Variants in EFNA5 observed in about 807,000 individuals in gnomAD.
EFNA5 encodes ephrin-A5.
EFNA5 carries 5 observed loss-of-function variants against 22.9 expected under a neutral mutation model. The observed-to-expected ratio is 0.22, with a 90% CI of 0.11 to 0.46. The LOEUF (loss-of-function observed/expected upper bound fraction) is 0.46. Ranked by LOEUF, EFNA5 falls within the 20% of genes least tolerant of loss-of-function variation. The probability of loss-of-function intolerance (pLI) is 0.99; values close to 1 mark genes in which losing one functional copy is unlikely to be tolerated. For missense variants in EFNA5, 237 were observed against 293.3 expected (o/e 0.81, Z 1.40); for synonymous variants, 113 against 112.2 (o/e 1.01, Z -0.04).
chr5:107,563,845 AC>A (rs1280279890), intron 1 of EFNA5, among the ~76,000 whole-genome samples: 2 of 152,098 alleles, frequency 1.3e-5, no homozygotes, highest in Non-Finnish European at 2.9e-5. Context: ...CTCCAGTCTC[AC>A]CTGACCTTAA....
At position 107,516,159 on chromosome 5, in the gene EFNA5, A is replaced by ATTT. The variant is rs577539637; in HGVS notation, c.126-88651_126-88650insAAA. On this transcript the variant is annotated intron_variant, in intron 1 of 4. Transcript: ENST00000333274. ...AGCTAGGACCAAAAATGGGCACCAC[A>ATTT]ATGCCTGGCTAGTTTTGTGTGTGTG... Among the ~76,000 whole-genome samples, 45 of 133,298 alleles carry ATTT rather than the reference A, an allele frequency of 3.4e-4. No homozygotes were observed. The East Asian group carries it at 9.7e-3, about 29-fold the overall frequency. The allele number at this position is 133,298 out of a possible 152,430, so 87.4% of individuals were successfully genotyped here. A position where few individuals can be genotyped will look rare whatever the true frequency, so the allele number is the denominator to read the frequency against.
At chr5:107,532,157 T>C (rs904409913) in intron 1 of EFNA5, among the ~76,000 whole-genome samples, 8 of 152,098 alleles carry the variant, frequency 5.3e-5, no homozygotes, top group African/African-American at 1.7e-4. Context: ...ACTGGGGAGA[T>C]GGGCAGGAGG....
At chr5:107,624,996 G>C (rs771048560) in intron 1 of EFNA5, among the ~76,000 whole-genome samples, 1 of 152,028 alleles carries the variant, frequency 6.6e-6, no homozygotes, top group Non-Finnish European at 1.5e-5. Context: ...GTAGCTTTCT[G>C]TGTTTTTATC....
At chr5:107,618,791 C>A (rs1216547521) in intron 1 of EFNA5, among the ~76,000 whole-genome samples, 1 of 152,186 alleles carries the variant, frequency 6.6e-6, no homozygotes, top group Non-Finnish European at 1.5e-5. Context: ...GGAAAGTGTC[C>A]ACTAAGATTA....
intron 1 of EFNA5, among the ~76,000 whole-genome samples, chr5:107,587,038 T>A (rs1255675598): frequency 6.6e-6 from 1 of 152,168 alleles, no homozygotes; most frequent in Non-Finnish European, 1.5e-5. Context: ...AATGGATGTA[T>A]CAGATTTCTT....
intron 1 of EFNA5, among the ~76,000 whole-genome samples, chr5:107,569,523 A>G (rs1186542049): frequency 3.0e-4 from 40 of 133,064 alleles, no homozygotes; most frequent in African/African-American, 1.1e-3. Flanking sequence ...ATATGTGTGT[A>G]TATATATTTA....
At chr5:107,510,695 T>A (rs371469953) in intron 1 of EFNA5, among the ~76,000 whole-genome samples, 1 of 152,198 alleles carries the variant, frequency 6.6e-6, no homozygotes, top group Non-Finnish European at 1.5e-5. Context: ...GGTCACAATT[T>A]AGAAAATAAG....
intron 2 of EFNA5, among the ~76,000 whole-genome samples, chr5:107,392,991 G>A (rs950720830): frequency 2.0e-5 from 3 of 152,096 alleles, no homozygotes; most frequent in East Asian, 1.9e-4. Flanking sequence ...ATTTTCCTTC[G>A]CATACAACTT....
At chr5:107,549,655 G>T (rs1748242428) in intron 1 of EFNA5, among the ~76,000 whole-genome samples, 1 of 152,202 alleles carries the variant, frequency 6.6e-6, no homozygotes, top group East Asian at 1.9e-4. Context: ...CAAGCCTGTT[G>T]GGTCCCAGGC....
At chr5:107,394,614 G>A (rs1747871918) in intron 2 of EFNA5, among the ~76,000 whole-genome samples, 1 of 152,120 alleles carries the variant, frequency 6.6e-6, no homozygotes, top group African/African-American at 2.4e-5. Flanking sequence ...AGAGAAATGG[G>A]AAGCACCACC....
At chr5:107,620,428 A>G (rs1750010334) in intron 1 of EFNA5, among the ~76,000 whole-genome samples, 2 of 152,338 alleles carry the variant, frequency 1.3e-5, no homozygotes, top group South Asian at 4.1e-4. Context: ...TCTTTTGCCT[A>G]AGTCTATACA....
At chr5:107,473,466 T>C (rs1028936618) in intron 1 of EFNA5, among the ~76,000 whole-genome samples, 1 of 151,908 alleles carries the variant, frequency 6.6e-6, no homozygotes, top group African/African-American at 2.4e-5. Flanking sequence ...GGGAGGCAAA[T>C]AGAACTATGC....
intron 1 of EFNA5, among the ~76,000 whole-genome samples, chr5:107,478,327 A>G (rs1750367059): frequency 1.3e-5 from 2 of 152,202 alleles, no homozygotes; most frequent in Non-Finnish European, 2.9e-5. Context: ...GCTTGCTCAA[A>G]TTTATCATTA....
chr5:107,487,916 G>A (rs1746687407), intron 1 of EFNA5, among the ~76,000 whole-genome samples: 1 of 152,226 alleles, frequency 6.6e-6, no homozygotes, highest in Admixed American at 6.5e-5. Flanking sequence ...CCAGCTAGCA[G>A]ACTACTGTAT....
intron 1 of EFNA5, among the ~76,000 whole-genome samples, chr5:107,549,858 C>A (rs1191256604): frequency 1.3e-5 from 2 of 152,244 alleles, no homozygotes; most frequent in Non-Finnish European, 2.9e-5. Context: ...CTGTCCAGAT[C>A]CTTCAGCACC....
Position 107,378,153 on chromosome 5 carries a change from C to G in EFNA5, c.*3102G>C, listed in dbSNP as rs932370270. On this transcript the variant is annotated 3_prime_UTR_variant, in exon 5 of 5. Transcript: ENST00000333274. ...CTTTATTATCAAACACTATGTACAACAGAGGTTGCTAATAATACAGAATTT... is the reference window on the plus strand; with the variant it reads ...CTTTATTATCAAACACTATGTACAAGAGAGGTTGCTAATAATACAGAATTT... 29 of 150,418 alleles carry G rather than the reference C, an allele frequency of 1.9e-4. No homozygotes were observed. The highest frequency in any genetic ancestry group is 3.8e-4 in the Non-Finnish European group (26 of 67,748). The allele number at this position is 150,418 out of a possible 1,614,324, so 9.3% of individuals were successfully genotyped here.
chr5:107,398,967 C>T (rs1174437043), intron 2 of EFNA5, among the ~76,000 whole-genome samples: 1 of 151,402 alleles, frequency 6.6e-6, no homozygotes, highest in Non-Finnish European at 1.5e-5. Flanking sequence ...TGGTAAATGT[C>T]AAAGAAATTA....
intron 2 of EFNA5, among the ~76,000 whole-genome samples, chr5:107,413,196 C>T (rs1304817144): frequency 5.9e-5 from 9 of 152,008 alleles, no homozygotes; most frequent in Middle Eastern, 3.2e-3. Context: ...ATCTATCTTT[C>T]AAAACTTAAT....
rs531790428 is a variant in EFNA5 at position 107,579,124 on chromosome 5, AC to A, written c.125+91364del. 1.6e-3 allele frequency among the ~76,000 whole-genome samples: 251 copies of A among 152,138 alleles called. 2 individuals carry two copies. Among genetic ancestry groups the A allele is most frequent in the African/African-American group, 5.9e-3 (244 of 41,504 alleles). On this transcript the variant is annotated intron_variant, in intron 1 of 4. Transcript: ENST00000333274. ...CATACCCTCTCTACTCTTCCCAACAACCCTGGAAGTTAAGCATTAACACTGT... is the reference window on the plus strand; with the variant it reads ...CATACCCTCTCTACTCTTCCCAACAACCTGGAAGTTAAGCATTAACACTGT...
Sources: allele counts gnomAD v4.1 joint callset (sites outside exome capture counted in the v4.1 genomes callset), GRCh38; gene constraint gnomAD v4.1.1; transcripts MANE v1.5; gene names NCBI Gene and HGNC (gene_info 2026-07-23, HGNC 2026-07-21).